Variants in BBOX1 observed in about 807,000 individuals in gnomAD.
The protein encoded by BBOX1 is gamma-butyrobetaine dioxygenase.
Under a neutral mutation model 41.6 loss-of-function variants are expected in BBOX1, and 35 were observed. The observed-to-expected ratio is 0.84, with a 90% CI of 0.64 to 1.11. The LOEUF is 1.11. Among genes scored for constraint, BBOX1 ranks in the 50% most tolerant of loss-of-function variants. The probability of loss-of-function intolerance (pLI) is 0.00; values close to 1 mark genes in which losing one functional copy is unlikely to be tolerated. For missense variants in BBOX1, 458 were observed against 460.6 expected, an observed-to-expected ratio of 0.99 and a Z score of 0.05; for synonymous variants, 163 against 154.7, an observed-to-expected ratio of 1.05 and a Z score of -0.40.
intron 4 of BBOX1, among the ~76,000 whole-genome samples, chr11:27,089,919 T>C (rs1167123973): frequency 6.6e-6 from 1 of 152,018 alleles, no homozygotes. Flanking sequence ...ATCATCCTCT[T>C]CCTGCCAACC....
intron 4 of BBOX1, among the ~76,000 whole-genome samples, chr11:27,057,586 C>T (rs1026693916): frequency 5.3e-5 from 8 of 152,148 alleles, no homozygotes; most frequent in African/African-American, 1.9e-4. Flanking sequence ...CCTGGCACAG[C>T]ATACCACAGA....
intron 4 of BBOX1, among the ~76,000 whole-genome samples, chr11:27,064,690 A>T (rs1200555497): frequency 6.6e-6 from 1 of 152,118 alleles, no homozygotes; most frequent in Non-Finnish European, 1.5e-5. Flanking sequence ...AAATCAATCT[A>T]TCCAACGCTC....
At chr11:27,084,641 C>A (rs1346441023) in intron 4 of BBOX1, among the ~76,000 whole-genome samples, 3 of 152,090 alleles carry the variant, frequency 2.0e-5, no homozygotes, top group Non-Finnish European at 4.4e-5. Context: ...TCAGAGCCAA[C>A]AGCTCAGTTC....
intron 7 of BBOX1, 152 bp from the exon 8 acceptor site, chr11:27,125,502 A>AT (rs539510732): frequency 7.2e-5 from 42 of 582,198 alleles, no homozygotes; most frequent in Non-Finnish European, 1.0e-4. Flanking sequence ...AAGAGAATAC[A>AT]TTGCACCACA....
intron 2 of BBOX1, among the ~76,000 whole-genome samples, chr11:27,054,501 C>T (rs575738424): frequency 3.9e-5 from 6 of 152,248 alleles, no homozygotes; most frequent in African/African-American, 1.4e-4. Flanking sequence ...TATATAGTCA[C>T]TAATGGAATC....
At chr11:27,086,438 A>G (rs776089507) in intron 4 of BBOX1, among the ~76,000 whole-genome samples, 37 of 152,244 alleles carry the variant, frequency 2.4e-4, no homozygotes, top group Non-Finnish European at 4.3e-4. Context: ...CAATGGAAAA[A>G]CAAAACCTGG....
At chr11:27,102,641 C>G (rs376683905) in intron 5 of BBOX1, among the ~76,000 whole-genome samples, 3 of 151,998 alleles carry the variant, frequency 2.0e-5, no homozygotes, top group Non-Finnish European at 4.4e-5. Flanking sequence ...ATTTAACTCA[C>G]GTAAACATAA....
intron 4 of BBOX1, among the ~76,000 whole-genome samples, chr11:27,080,665 G>A (rs1468789025): frequency 6.6e-6 from 1 of 152,126 alleles, no homozygotes; most frequent in African/African-American, 2.4e-5. Flanking sequence ...GATGGATGTG[G>A]TGGTAGCACT....
chr11:27,092,905 A>G (rs1380860709), intron 4 of BBOX1, among the ~76,000 whole-genome samples: 1 of 151,970 alleles, frequency 6.6e-6, no homozygotes, highest in Non-Finnish European at 1.5e-5. Context: ...TTCATCAGCT[A>G]AACAATATTC....
At chr11:27,116,417 A>G (rs1859262850) in intron 6 of BBOX1, among the ~76,000 whole-genome samples, 1 of 151,838 alleles carries the variant, frequency 6.6e-6, no homozygotes, top group African/African-American at 2.4e-5. Context: ...GCACGTGTAT[A>G]TATATGTAAC....
chr11:27,104,007 G>A (rs59370303), intron 5 of BBOX1, among the ~76,000 whole-genome samples: 10,604 of 152,056 alleles, frequency 0.07, 1,242 homozygotes, highest in African/African-American at 0.23. Flanking sequence ...CTTCTAGTTC[G>A]TCTCCTTCAC....
chr11:27,080,139 A>G (rs1488058581), intron 4 of BBOX1, among the ~76,000 whole-genome samples: 1 of 152,158 alleles, frequency 6.6e-6, no homozygotes, highest in Non-Finnish European at 1.5e-5. Flanking sequence ...CCCAGGCAGC[A>G]TTATTATTGT....
chr11:27,087,678 G>A (rs925402815), intron 4 of BBOX1, among the ~76,000 whole-genome samples: 7 of 151,974 alleles, frequency 4.6e-5, no homozygotes, highest in African/African-American at 1.7e-4. Flanking sequence ...AGGCCACTAT[G>A]AAGAATTTGA....
chr11:27,115,666 AT>A (rs1301068080), intron 6 of BBOX1, 109 bp downstream of exon 6: 1 of 945,624 alleles, frequency 1.1e-6, no homozygotes, highest in East Asian at 2.9e-5. Context: ...TCTTTTATAA[AT>A]TTTTTCTCCA....
intron 2 of BBOX1, among the ~76,000 whole-genome samples, chr11:27,044,536 A>G (rs1008846113): frequency 4.6e-5 from 7 of 152,232 alleles, no homozygotes; most frequent in African/African-American, 1.7e-4. Flanking sequence ...GATATTGCCT[A>G]GGTTTTCTTC....
chr11:27,120,930 T>A (rs1859437279), intron 7 of BBOX1, among the ~76,000 whole-genome samples: 1 of 152,152 alleles, frequency 6.6e-6, no homozygotes, highest in South Asian at 2.1e-4. Context: ...TCATATAGCT[T>A]ATACTCTAAT....
At chr11:27,041,822 G>T (rs1007084679) in intron 2 of BBOX1, among the ~76,000 whole-genome samples, 2 of 152,110 alleles carry the variant, frequency 1.3e-5, no homozygotes, top group Non-Finnish European at 2.9e-5. Flanking sequence ...CAGAGAGAAC[G>T]CTGTCTAAAA....
intron 5 of BBOX1, among the ~76,000 whole-genome samples, chr11:27,097,702 T>C (rs963195197): frequency 6.6e-6 from 1 of 151,978 alleles, no homozygotes; most frequent in Non-Finnish European, 1.5e-5. Flanking sequence ...ACAGTCAATA[T>C]ATGCCAACAG....
At chr11:27,085,727 T>C (rs563504387) in intron 4 of BBOX1, among the ~76,000 whole-genome samples, 1 of 152,174 alleles carries the variant, frequency 6.6e-6, no homozygotes, top group Non-Finnish European at 1.5e-5. Context: ...CTAGAAATTA[T>C]TACGTTTAGT....
Sources: gnomAD v4.1 joint callset for allele counts (sites outside exome capture counted in the v4.1 genomes callset) on GRCh38, gnomAD v4.1.1 for gene constraint, MANE v1.5 for transcripts, NCBI Gene and HGNC (gene_info 2026-07-23, HGNC 2026-07-21) for gene names.